Variants in KLHL13 observed in about 807,000 individuals in gnomAD.
KLHL13 encodes kelch like family member 13.
Under a neutral mutation model 37.1 loss-of-function variants are expected in KLHL13, and 10 were observed. The ratio of observed to expected loss-of-function variants is 0.27; its 90% CI spans 0.17 to 0.46. The LOEUF (loss-of-function observed/expected upper bound fraction) is 0.46. KLHL13 is among the 20% of genes least tolerant of loss of function. The pLI, the probability that KLHL13 is intolerant of heterozygous loss-of-function variation, is 1.00. For synonymous variants in KLHL13, 163 were observed against 181.2 expected (o/e 0.90, Z 0.81); for missense variants, 360 against 509.3 (o/e 0.71, Z 2.82).
intron 1 of KLHL13, among the ~76,000 whole-genome samples, chrX:118,004,889 A>G (rs2053964620): frequency 9.0e-6 from 1 of 111,642 alleles, no homozygotes; most frequent in Non-Finnish European, 1.9e-5. Context: ...CAAAACCTCA[A>G]TAATATCATG....
At chrX:118,070,572 G>A (rs1374258273) in intron 1 of KLHL13, among the ~76,000 whole-genome samples, 1 of 110,633 alleles carries the variant, frequency 9.0e-6, no homozygotes, top group Non-Finnish European at 1.9e-5. Flanking sequence ...TCCACTTGCT[G>A]AAATATTCTA....
At chrX:118,109,599 C>T (rs926801379) in intron 1 of KLHL13, among the ~76,000 whole-genome samples, 4 of 112,443 alleles carry the variant, frequency 3.6e-5, no homozygotes, top group African/African-American at 1.3e-4. Flanking sequence ...CAAGAAAATA[C>T]AAGCTGCTTT....
intron 1 of KLHL13, among the ~76,000 whole-genome samples, chrX:118,071,319 G>C (rs750681662): frequency 6.3e-5 from 7 of 111,370 alleles, no homozygotes; most frequent in African/African-American, 2.3e-4. Flanking sequence ...CTAGATCCCT[G>C]AGGAATCGCC....
intron 4 of KLHL13, among the ~76,000 whole-genome samples, chrX:117,919,161 T>C (rs1440485319): frequency 1.8e-5 from 2 of 111,108 alleles, no homozygotes. Context: ...GTAGCTGGAA[T>C]TACAGGCATG....
At chrX:117,999,494 G>A (rs2147963540) in intron 1 of KLHL13, among the ~76,000 whole-genome samples, 1 of 109,990 alleles carries the variant, frequency 9.1e-6, no homozygotes, top group South Asian at 3.9e-4. Flanking sequence ...ATTGAACAAT[G>A]AGAACACATG....
At chrX:118,101,399 C>T (rs926349222) in intron 1 of KLHL13, among the ~76,000 whole-genome samples, 2 of 111,553 alleles carry the variant, frequency 1.8e-5, no homozygotes, top group African/African-American at 3.3e-5. Flanking sequence ...GAGTTAGCCC[C>T]TGTCCTCAAG....
intron 2 of KLHL13, among the ~76,000 whole-genome samples, chrX:117,923,525 C>CA (rs1319568647): frequency 8.9e-6 from 1 of 112,094 alleles, no homozygotes; most frequent in Admixed American, 9.4e-5. Flanking sequence ...CACTAAAGAA[C>CA]AAAAACAAAC....
rs150307676 is a variant in KLHL13 at position 118,083,245 on chromosome X, A to G, written c.-56+33263T>C. ...ATATGATCTAGCAATCACAATTCCA[A>G]GTATATATATGTATCTATCATCATA... On this transcript the variant is annotated intron_variant, in intron 1 of 6. Transcript: ENST00000371882. 9.3e-3 allele frequency among the ~76,000 whole-genome samples: 1,038 copies of G among 111,902 alleles called. 14 individuals carry two copies. Among genetic ancestry groups the G allele is most frequent in the African/African-American group, 0.032 (978 of 30,853 alleles).
intron 1 of KLHL13, among the ~76,000 whole-genome samples, chrX:118,023,936 G>T (rs2054248436): frequency 8.9e-6 from 1 of 111,917 alleles, no homozygotes; most frequent in South Asian, 3.7e-4. Flanking sequence ...GTTTTGCTCA[G>T]GTTTTGACAT....
rs190145458 is a variant in KLHL13 at position 118,024,479 on chromosome X, G to T, written c.-55-78904C>A. Among the ~76,000 whole-genome samples, 5 of 111,769 alleles carry T rather than the reference G, an allele frequency of 4.5e-5. No individual in the cohort carries two copies. The Admixed American group carries it at 4.8e-4, about 11-fold the overall frequency. Reference sequence around the variant, plus strand: ...GAATTCGAGGGTAAGCCATGGACTGGAAGGAAATATTCACAGTACAAATAC... The same window carrying T: ...GAATTCGAGGGTAAGCCATGGACTGTAAGGAAATATTCACAGTACAAATAC... On this transcript the variant is annotated intron_variant, in intron 1 of 6. Coordinates refer to the KLHL13 transcript ENST00000371882.
chrX:117,986,183 T>C (rs1268053597), intron 1 of KLHL13, among the ~76,000 whole-genome samples: 5 of 111,283 alleles, frequency 4.5e-5, no homozygotes, highest in Admixed American at 1.9e-4. Context: ...AATATAAGCC[T>C]AGCATTCTAC....
intron 1 of KLHL13, among the ~76,000 whole-genome samples, chrX:117,966,924 G>T (rs932420207): frequency 8.9e-6 from 1 of 111,923 alleles, no homozygotes; most frequent in Non-Finnish European, 1.9e-5. Flanking sequence ...ATGGATTGAA[G>T]ACTTAAATGT....
At chrX:118,098,463 T>C (rs1419639955) in intron 1 of KLHL13, among the ~76,000 whole-genome samples, 3 of 110,901 alleles carry the variant, frequency 2.7e-5, no homozygotes, top group Non-Finnish European at 5.7e-5. Context: ...AGGAACACTT[T>C]TACACTGTTG....
At chrX:118,075,514 G>A (rs942622575) in intron 1 of KLHL13, among the ~76,000 whole-genome samples, 4 of 111,403 alleles carry the variant, frequency 3.6e-5, no homozygotes, top group African/African-American at 1.3e-4. Context: ...AGGATTAATT[G>A]AAAGCTATTG....
chrX:117,952,079 A>G (rs1197412301), intron 1 of KLHL13, among the ~76,000 whole-genome samples: 4 of 111,692 alleles, frequency 3.6e-5, no homozygotes, highest in African/African-American at 6.5e-5. Context: ...GAACCAAAAA[A>G]GAGCCCGCAT....
chrX:117,919,788 G>C, intron 3 of KLHL13, 71 bp from the exon 5 acceptor site: 2 of 780,006 alleles, frequency 2.6e-6, no homozygotes, highest in Non-Finnish European at 3.8e-6. Context: ...CTGCTAATTA[G>C]ATGCAATAAA....
upstream of KLHL13, among the ~76,000 whole-genome samples, chrX:117,974,004 G>A (rs1282959459): frequency 1.8e-5 from 2 of 110,723 alleles, no homozygotes; most frequent in African/African-American, 3.3e-5. Context: ...GTCAAAGGCA[G>A]CTTGAGGTAT....
chrX:118,016,330 G>A (rs2054128323), intron 1 of KLHL13, among the ~76,000 whole-genome samples: 1 of 111,199 alleles, frequency 9.0e-6, no homozygotes, highest in Non-Finnish European at 1.9e-5. Flanking sequence ...CAGTACAAAA[G>A]TCTGGGCTTA....
chrX:118,027,510 T>C (rs1250178309), intron 1 of KLHL13, among the ~76,000 whole-genome samples: 4 of 110,612 alleles, frequency 3.6e-5, no homozygotes, highest in Non-Finnish European at 5.7e-5. Context: ...GAAACAGTTG[T>C]TTTTTATTTT....
Sources: allele counts gnomAD v4.1 joint callset (sites outside exome capture counted in the v4.1 genomes callset), GRCh38; gene constraint gnomAD v4.1.1; transcripts MANE v1.5; gene names NCBI Gene and HGNC (gene_info 2026-07-23, HGNC 2026-07-21).